Variants in DYRK4 observed in about 807,000 individuals in gnomAD.
DYRK4 encodes the protein dual specificity tyrosine phosphorylation regulated kinase 4.
A neutral mutation model predicts 68.3 loss-of-function variants in DYRK4; 64 were observed. That is an observed-to-expected ratio of 0.94 (90% CI 0.77 to 1.15). The LOEUF (loss-of-function observed/expected upper bound fraction) is 1.15, where lower values mean the gene tolerates loss of function less well. Ranked by LOEUF, DYRK4 falls within the 50% of genes most tolerant of loss-of-function variation. The pLI, the probability that DYRK4 is intolerant of heterozygous loss-of-function variation, is 0.00. For missense variants in DYRK4, 740 were observed against 764.7 expected, an observed-to-expected ratio of 0.97 and a Z score of 0.38; for synonymous variants, 274 against 289.9, an observed-to-expected ratio of 0.95 and a Z score of 0.56.
At chr12:4,577,961 CT>C (rs1443446682) in intron 2 of DYRK4, among the ~76,000 whole-genome samples, 1 of 152,088 alleles carries the variant, frequency 6.6e-6, no homozygotes, top group Admixed American at 6.5e-5. Flanking sequence ...GAGCAATTGA[CT>C]TTTGTGTATT....
At chr12:4,603,079 G>T (rs576393570) in intron 10 of DYRK4, 121 of 1,293,910 alleles carry the variant, frequency 9.4e-5, no homozygotes, top group Non-Finnish European at 1.3e-4. Flanking sequence ...CCTCCTCCAA[G>T]TCTTTCTGGC....
intron 1 of DYRK4, among the ~76,000 whole-genome samples, chr12:4,564,706 C>A (rs370905409): frequency 5.3e-5 from 8 of 152,338 alleles, no homozygotes; most frequent in African/African-American, 1.9e-4. Context: ...GTAGCTGGCA[C>A]ACAGTTGATG....
At chr12:4,574,827 T>C (rs573891822) in intron 2 of DYRK4, among the ~76,000 whole-genome samples, 1 of 152,160 alleles carries the variant, frequency 6.6e-6, no homozygotes, top group African/African-American at 2.4e-5. Context: ...AAGTGATTCT[T>C]GTGCCTCAGC....
intron 8 of DYRK4, 78 bp from the exon 9 acceptor site, chr12:4,598,950 C>T: frequency 6.5e-7 from 1 of 1,535,562 alleles, no homozygotes; most frequent in Non-Finnish European, 8.9e-7. Context: ...CCAGGTGATA[C>T]AAGATTGTTT....
chr12:4,567,948 C>A lies in DYRK4; in HGVS notation c.39-7C>A. 2.6e-6 allele frequency: 4 copies of A among 1,535,380 alleles called. No homozygotes were observed. In the South Asian group the frequency reaches 3.6e-5, roughly 14 times the overall value. ...TGCCAATTTATTTTTTACTTTCCCTCATGCAGGACTCAAATGGATGCTAAA... is the reference window on the plus strand; with the variant it reads ...TGCCAATTTATTTTTTACTTTCCCTAATGCAGGACTCAAATGGATGCTAAA... On this transcript the variant is annotated splice_region_variant and splice_polypyrimidine_tract_variant and intron_variant, in intron 1 of 14. Transcript: ENST00000543431.
chr12:4,571,381 T>C (rs535179306), intron 2 of DYRK4, among the ~76,000 whole-genome samples: 3 of 152,340 alleles, frequency 2.0e-5, no homozygotes, highest in African/African-American at 7.2e-5. Context: ...TTCCCCACCA[T>C]TTCTAATTAC....
intron 10 of DYRK4, chr12:4,602,523 T>C: frequency 8.3e-7 from 1 of 1,202,378 alleles, no homozygotes; most frequent in Non-Finnish European, 1.2e-6. Flanking sequence ...AGTGGTGGGA[T>C]ATAAGCCAAC....
chr12:4,610,676 TA>T (rs1240101454), intron 13 of DYRK4, among the ~76,000 whole-genome samples: 1 of 152,228 alleles, frequency 6.6e-6, no homozygotes, highest in Non-Finnish European at 1.5e-5. Context: ...CTGCTTGTTG[TA>T]ATGATTTGCA....
intron 2 of DYRK4, among the ~76,000 whole-genome samples, chr12:4,583,082 C>T (rs536145289): frequency 6.6e-6 from 1 of 152,212 alleles, no homozygotes; most frequent in South Asian, 2.1e-4. Flanking sequence ...TCTTTATTCT[C>T]ACATAATTAT....
At chr12:4,573,560 CAAAT>C (rs1483953093) in intron 2 of DYRK4, among the ~76,000 whole-genome samples, 1 of 152,142 alleles carries the variant, frequency 6.6e-6, no homozygotes, top group Admixed American at 6.5e-5. Context: ...CAGGCCATGA[CAAAT>C]AGAGTATCAG....
intron 11 of DYRK4, among the ~76,000 whole-genome samples, chr12:4,605,706 C>G (rs12307558): frequency 8.2e-6 from 1 of 121,704 alleles, no homozygotes; most frequent in Admixed American, 8.8e-5. Context: ...GCATACAGCT[C>G]TTAGAAAAAT....
At position 4,590,617 on chromosome 12, in the gene DYRK4, A is replaced by G. The variant is rs12296105; in HGVS notation, c.324+177A>G. Reference sequence around the variant, plus strand: ...ATAAGCTTGAGCAAATAAGTCCTTGACCTTTTCTTAGCTACAAAATGGGCC... The same window carrying G: ...ATAAGCTTGAGCAAATAAGTCCTTGGCCTTTTCTTAGCTACAAAATGGGCC... On this transcript the variant is annotated intron_variant, in intron 4 of 14. Transcript: ENST00000543431. 8,695 of 1,304,046 alleles carry G rather than the reference A, an allele frequency of 6.7e-3. 309 individuals carry two copies. The African/African-American group carries it at 0.092, about 14-fold the overall frequency. 80.8% of individuals were successfully genotyped at this position (1,304,046 alleles called of 1,614,324 possible). A position where few individuals can be genotyped will look rare whatever the true frequency, so the allele number is the denominator to read the frequency against.
chr12:4,580,798 T>C (rs570618074), intron 2 of DYRK4: 155 of 149,942 alleles, frequency 1.0e-3, no homozygotes, highest in African/African-American at 3.8e-3. Context: ...CACTTAGGGA[T>C]TTTTTTTTTT....
chr12:4,593,957 C>T (rs892330378), intron 6 of DYRK4, among the ~76,000 whole-genome samples: 2 of 152,146 alleles, frequency 1.3e-5, no homozygotes, highest in African/African-American at 2.4e-5. Context: ...TGGAGGAGCT[C>T]GTTAAAATGC....
chr12:4,573,143 G>T (rs975227157), intron 2 of DYRK4: 6 of 407,578 alleles, frequency 1.5e-5, no homozygotes, highest in East Asian at 7.3e-5. Context: ...TGGAAGACTC[G>T]AACTAGAAGA....
At chr12:4,582,951 C>G (rs1164958156) in intron 2 of DYRK4, among the ~76,000 whole-genome samples, 1 of 152,010 alleles carries the variant, frequency 6.6e-6, no homozygotes, top group Non-Finnish European at 1.5e-5. Flanking sequence ...ATTTCTGAGG[C>G]CACTCAGGAG....
intron 10 of DYRK4, among the ~76,000 whole-genome samples, chr12:4,601,657 A>C (rs555150916): frequency 1.3e-5 from 2 of 152,328 alleles, no homozygotes; most frequent in Admixed American, 1.3e-4. Flanking sequence ...AGTGGTTATC[A>C]CTGGAGATGA....
chr12:4,586,793 C>G (rs1591794751), intron 2 of DYRK4, among the ~76,000 whole-genome samples: 1 of 152,022 alleles, frequency 6.6e-6, no homozygotes. Flanking sequence ...TTTTCCTGTT[C>G]ATGGGAAATG....
chr12:4,591,286 C>CT lies in DYRK4; in HGVS notation c.452dup (p.Thr152AspfsTer10). ...GTCACCAAAGAAGCAAAAGGTGACT[C>CT]TGACAGCGGCAGGTATGCCTTTGGG... On this transcript the variant is annotated frameshift_variant, in exon 5 of 15. Transcript: ENST00000543431. LOFTEE classifies it high-confidence loss of function. The surrounding 1 kb of genome is among the most constrained non-coding windows in gnomAD (Gnocchi z 4.1). 6.2e-7 allele frequency: 1 copy of CT among 1,614,014 alleles called. No individual in the cohort carries two copies. Among genetic ancestry groups the CT allele is most frequent in the Admixed American group, 1.7e-5 (1 of 60,008 alleles).
Sources: allele counts gnomAD v4.1 joint callset (sites outside exome capture counted in the v4.1 genomes callset), GRCh38; gene constraint gnomAD v4.1.1; non-coding constraint Gnocchi (gnomAD v3.1); transcripts MANE v1.5; gene names NCBI Gene and HGNC (gene_info 2026-07-23, HGNC 2026-07-21).